Variants in SPAG17 observed in about 807,000 individuals in gnomAD.
SPAG17 encodes sperm associated antigen 17, also known as sperm-associated antigen 17.
In SPAG17, 169 loss-of-function variants were observed where a neutral mutation model predicts 273.6. That is an observed-to-expected ratio of 0.62 (90% confidence interval 0.55 to 0.70). The LOEUF (loss-of-function observed/expected upper bound fraction) is 0.70. Ranked by LOEUF, SPAG17 falls within the 30% of genes least tolerant of loss-of-function variation. The pLI, the probability that SPAG17 is intolerant of heterozygous loss-of-function variation, is 0.00. For missense variants in SPAG17, 2,557 were observed against 2,627.8 expected (o/e 0.97, Z 0.59); for synonymous variants, 825 against 873.2 (o/e 0.94, Z 0.97).
At chr1:118,167,940 G>A (rs199534212) in intron 1 of SPAG17, among the ~76,000 whole-genome samples, 2 of 152,096 alleles carry the variant, frequency 1.3e-5, no homozygotes, top group African/African-American at 2.4e-5. Context: ...GCATCTCTCC[G>A]CTCACTCTCT....
At chr1:118,148,340 G>C (rs1433668135) in intron 3 of SPAG17, among the ~76,000 whole-genome samples, 4 of 152,166 alleles carry the variant, frequency 2.6e-5, no homozygotes, top group South Asian at 2.1e-4. Flanking sequence ...GCAACAGCAA[G>C]AGTTGTCACA....
At chr1:118,084,813 T>C (rs890700486) in intron 13 of SPAG17, among the ~76,000 whole-genome samples, 2 of 152,218 alleles carry the variant, frequency 1.3e-5, no homozygotes, top group African/African-American at 4.8e-5. Flanking sequence ...ATGTTTTCTT[T>C]TTTTTTCCAC....
At position 118,087,022 on chromosome 1, in the gene SPAG17, CAAT is replaced by C. The variant is rs763848691; in HGVS notation, c.1360-17_1360-15del. On this transcript the variant is annotated splice_polypyrimidine_tract_variant and intron_variant, in intron 10 of 48. Coordinates refer to ENST00000336338, the MANE Select transcript of SPAG17 (RefSeq NM_206996.4). ...AGTTGCAACAACCTGTTGAAATCAA[CAAT>C]GAGAGGAATTGGTGTAAGGGTCCGC... 9 of 1,550,442 alleles carry C rather than the reference CAAT, an allele frequency of 5.8e-6. No homozygotes were observed. Among genetic ancestry groups the C allele is most frequent in the Middle Eastern group, 1.7e-4 (1 of 5,746 alleles).
At chr1:118,062,277 G>A (rs1426800425) in intron 18 of SPAG17, among the ~76,000 whole-genome samples, 1 of 144,996 alleles carries the variant, frequency 6.9e-6, no homozygotes, top group Non-Finnish European at 1.5e-5. Context: ...TGAGGCAGGA[G>A]AATGGCACGA....
chr1:118,048,789 G>A (rs886454650), intron 20 of SPAG17, among the ~76,000 whole-genome samples: 1 of 152,060 alleles, frequency 6.6e-6, no homozygotes, highest in African/African-American at 2.4e-5. Context: ...CCAGCTACTC[G>A]GGAGGCTGAG....
intron 43 of SPAG17, among the ~76,000 whole-genome samples, chr1:117,974,480 T>C (rs1239744240): frequency 6.6e-6 from 1 of 152,134 alleles, no homozygotes; most frequent in African/African-American, 2.4e-5. Context: ...ATCAACATTA[T>C]ATAATACAAT....
intron 32 of SPAG17, among the ~76,000 whole-genome samples, chr1:118,000,188 G>T (rs1416185830): frequency 6.6e-6 from 1 of 152,126 alleles, no homozygotes; most frequent in Non-Finnish European, 1.5e-5. Context: ...CTATATCTCT[G>T]TTTTGATACC....
intron 25 of SPAG17, among the ~76,000 whole-genome samples, chr1:118,029,887 G>A (rs76221595): frequency 0.01 from 1,536 of 152,006 alleles, 25 homozygotes; most frequent in African/African-American, 0.035. Context: ...TAAATAATTA[G>A]CTAAAAATAA....
In SPAG17 at chr1:118,040,782, C is replaced by A; in HGVS notation, c.3114G>T (p.Leu1038=). 6.2e-7 allele frequency: 1 copy of A among 1,607,268 alleles called. No individual in the cohort carries two copies. The highest frequency in any genetic ancestry group is 8.5e-7 in the Non-Finnish European group (1 of 1,173,712). Residue 1038 remains leucine, a synonymous_variant, in exon 22 of 49, where the codon CTG becomes CTT. Coordinates refer to ENST00000336338, the MANE Select transcript of SPAG17 (RefSeq NM_206996.4). ...PTQISGSNYY[L]YPSDGGQIEV... ...CAATCTGCCCCCCATCAGAAGGATACAGGTAGTAATTTGACCCTGAGATTT... is the reference window on the plus strand; with the variant it reads ...CAATCTGCCCCCCATCAGAAGGATAAAGGTAGTAATTTGACCCTGAGATTT...
At chr1:118,028,915 C>T (rs1345728429) in intron 25 of SPAG17, among the ~76,000 whole-genome samples, 1 of 152,174 alleles carries the variant, frequency 6.6e-6, no homozygotes, top group Non-Finnish European at 1.5e-5. Context: ...ACCTTTGCCT[C>T]TTCCTCTTCT....
intron 17 of SPAG17, among the ~76,000 whole-genome samples, chr1:118,069,930 T>C (rs986134191): frequency 6.6e-6 from 1 of 152,166 alleles, no homozygotes; most frequent in African/African-American, 2.4e-5. Flanking sequence ...GAAAGATAAG[T>C]GTCCATTAGA....
At chr1:118,101,549 G>C (rs1656062266) in intron 5 of SPAG17, among the ~76,000 whole-genome samples, 191 bp downstream of exon 5, 1 of 152,166 alleles carries the variant, frequency 6.6e-6, no homozygotes, top group Non-Finnish European at 1.5e-5. Context: ...ATAGTTATTG[G>C]GATGACTGCT....
chr1:118,155,169 C>T (rs927050882), intron 1 of SPAG17, among the ~76,000 whole-genome samples: 1 of 152,060 alleles, frequency 6.6e-6, no homozygotes, highest in Non-Finnish European at 1.5e-5. Flanking sequence ...CTTTTATTTA[C>T]TTTACCAGTC....
intron 4 of SPAG17, among the ~76,000 whole-genome samples, chr1:118,114,863 G>T (rs1365794298): frequency 6.6e-6 from 1 of 152,148 alleles, no homozygotes; most frequent in African/African-American, 2.4e-5. Context: ...GAAATATTCA[G>T]ATTATTATGA....
chr1:118,148,452 C>T (rs566598202), intron 3 of SPAG17, among the ~76,000 whole-genome samples: 2 of 152,306 alleles, frequency 1.3e-5, no homozygotes, highest in East Asian at 1.9e-4. Flanking sequence ...TTGGCCCTGC[C>T]CACATCCTGC....
At position 117,987,949 on chromosome 1, in the gene SPAG17, A is replaced by G; in HGVS notation, c.5622-68T>C. 4 of 1,556,142 alleles carry G rather than the reference A, an allele frequency of 2.6e-6. No homozygotes were observed. The Admixed American group carries it at 6.8e-5, about 27-fold the overall frequency. ...TTTCAGCTTAAAAACAAAACCAAAA[A>G]CCCTCACCACTATATGATGAATTAT... On this transcript the variant is annotated intron_variant, in intron 39 of 48. Coordinates refer to ENST00000336338, the MANE Select transcript of SPAG17 (RefSeq NM_206996.4).
intron 7 of SPAG17, among the ~76,000 whole-genome samples, chr1:118,094,477 A>G (rs1655587081): frequency 6.6e-6 from 1 of 152,290 alleles, no homozygotes; most frequent in East Asian, 1.9e-4. Flanking sequence ...ACAGAAATAT[A>G]GCCTGCTTGT....
chr1:118,080,068 A>T (rs1214579288), intron 15 of SPAG17, among the ~76,000 whole-genome samples: 1 of 151,364 alleles, frequency 6.6e-6, no homozygotes, highest in Non-Finnish European at 1.5e-5. Context: ...GTGTAGATTA[A>T]TTTTTTTATT....
intron 7 of SPAG17, 55 bp downstream of exon 7, chr1:118,097,615 A>G: frequency 1.4e-6 from 2 of 1,386,510 alleles, no homozygotes; most frequent in Non-Finnish European, 1.9e-6. Flanking sequence ...TGGAGCAAAT[A>G]GAACCACTGT....
Sources: allele counts gnomAD v4.1 joint callset (sites outside exome capture counted in the v4.1 genomes callset), GRCh38; gene constraint gnomAD v4.1.1; transcripts MANE v1.5; gene names NCBI Gene and HGNC (gene_info 2026-07-23, HGNC 2026-07-21).